LARP1B: variants seen among roughly 807,000 people sequenced by gnomAD.
LARP1B encodes the protein La ribonucleoprotein 1B.
LARP1B carries 76 observed loss-of-function variants against 114.2 expected under a neutral mutation model. The observed-to-expected ratio is 0.67, with a 90% CI of 0.55 to 0.81. The LOEUF is 0.81. Ranked by LOEUF, LARP1B falls within the 30% of genes least tolerant of loss-of-function variation. The probability of loss-of-function intolerance (pLI) is 0.00; values close to 1 mark genes in which losing one functional copy is unlikely to be tolerated. For missense variants in LARP1B, 1,014 were observed against 1,075.8 expected (o/e 0.94, Z 0.80); for synonymous variants, 345 against 348.0 (o/e 0.99, Z 0.10).
intron 15 of LARP1B, among the ~76,000 whole-genome samples, chr4:128,188,102 T>C: frequency 6.6e-6 from 1 of 151,636 alleles, no homozygotes; most frequent in Non-Finnish European, 1.5e-5. Context: ...GAGGCGGAGT[T>C]TTGCTCTTGT....
At position 128,065,255 on chromosome 4, in the gene LARP1B, TTCTTTCTTTCTTTC is replaced by T. The variant is rs1561009841; in HGVS notation, c.-78+3856_-78+3869del. Among the ~76,000 whole-genome samples, 351 of 57,522 alleles carry T rather than the reference TTCTTTCTTTCTTTC, an allele frequency of 6.1e-3. 7 individuals are homozygous for T. The highest frequency in any genetic ancestry group is 0.017 in the African/African-American group (318 of 18,900). 37.7% of individuals were successfully genotyped at this position (57,522 alleles called of 152,430 possible). A position where few individuals can be genotyped will look rare whatever the true frequency, so the allele number is the denominator to read the frequency against. On this transcript the variant is annotated intron_variant, in intron 1 of 19. Coordinates refer to ENST00000326639, the MANE Select transcript of LARP1B (RefSeq NM_018078.4). ...TCTGCACTGTTCTCCCACAATTAATTTCTTTCTTTCTTTCTTTCTTTCTTTCTTTCTTTCTTTCT... is the reference window on the plus strand; with the variant it reads ...TCTGCACTGTTCTCCCACAATTAATTTTTCTTTCTTTCTTTCTTTCTTTCT...
chr4:128,143,529 G>A (rs62334623), intron 11 of LARP1B, among the ~76,000 whole-genome samples: 89,902 of 151,818 alleles, frequency 0.59, 27,726 homozygotes, highest in Middle Eastern at 0.8. Flanking sequence ...GGGGTGGGTG[G>A]AGCTAATTAA....
chr4:128,162,866 C>T (rs1739098880), intron 12 of LARP1B, among the ~76,000 whole-genome samples: 1 of 151,972 alleles, frequency 6.6e-6, no homozygotes, highest in Non-Finnish European at 1.5e-5. Flanking sequence ...CATCTCATAC[C>T]CAATTTTGTC....
In LARP1B at chr4:128,124,248, A is replaced by T. The variant is rs547618889; in HGVS notation, c.1524+2060A>T. ...ATAAACCCACAATAAGTACTTAATC[A>T]CAAATTACAATAAATACTCTAAAAG... On this transcript the variant is annotated intron_variant, in intron 11 of 19. Transcript: ENST00000326639. 2.2e-4 allele frequency among the ~76,000 whole-genome samples: 34 copies of T among 152,334 alleles called. 1 individual carries two copies. In the South Asian group the frequency reaches 7.0e-3, roughly 32 times the overall value.
chr4:128,101,298 ACT>A (rs143948021), intron 8 of LARP1B, among the ~76,000 whole-genome samples: 4,040 of 151,578 alleles, frequency 0.027, 164 homozygotes, highest in African/African-American at 0.093. Context: ...ACATGGTCAA[ACT>A]CTGTCTCTAC....
chr4:128,176,184 AT>A (rs965027720), intron 12 of LARP1B, among the ~76,000 whole-genome samples: 25 of 142,972 alleles, frequency 1.7e-4, no homozygotes, highest in South Asian at 4.3e-4. Flanking sequence ...ATATAAATAT[AT>A]AAATATATTT....
At chr4:128,113,900 C>T (rs961113424) in intron 9 of LARP1B, among the ~76,000 whole-genome samples, 12 of 151,150 alleles carry the variant, frequency 7.9e-5, no homozygotes, top group Admixed American at 2.6e-4. Flanking sequence ...GATTCTCCTG[C>T]GTCAGCCTCC....
chr4:128,076,235 C>A (rs1247368386), intron 3 of LARP1B, among the ~76,000 whole-genome samples: 1 of 151,752 alleles, frequency 6.6e-6, no homozygotes, highest in Non-Finnish European at 1.5e-5. Context: ...GAACTCCTGA[C>A]CTCAGGTGAT....
intron 11 of LARP1B, among the ~76,000 whole-genome samples, chr4:128,149,305 T>G (rs1418450187): frequency 6.6e-6 from 1 of 152,172 alleles, no homozygotes; most frequent in Admixed American, 6.5e-5. Context: ...TATAGGAATT[T>G]AGAATAAAGA....
chr4:128,102,864 A>G (rs1780769040), intron 8 of LARP1B, among the ~76,000 whole-genome samples: 1 of 152,204 alleles, frequency 6.6e-6, no homozygotes, highest in Admixed American at 6.5e-5. Flanking sequence ...TCAGCCTCAG[A>G]ACTGTGCCTG....
intron 1 of LARP1B, among the ~76,000 whole-genome samples, chr4:128,066,872 C>T (rs1331496803): frequency 6.6e-6 from 1 of 150,386 alleles, no homozygotes; most frequent in Non-Finnish European, 1.5e-5. Context: ...TCTTGGCTCA[C>T]TGCAACCCCC....
chr4:128,075,025 A>G (rs767178915), intron 3 of LARP1B, 32 bp downstream of exon 3: 1 of 1,399,286 alleles, frequency 7.1e-7, no homozygotes, highest in Non-Finnish European at 1.0e-6. Flanking sequence ...TTTTTTTTAA[A>G]GAAAGGAAAA....
At chr4:128,141,018 C>G (rs756180056) in intron 11 of LARP1B, among the ~76,000 whole-genome samples, 2 of 151,912 alleles carry the variant, frequency 1.3e-5, no homozygotes, top group Non-Finnish European at 1.5e-5. Context: ...GTTTCATCAT[C>G]TTGGCCAGGC....
intron 6 of LARP1B, among the ~76,000 whole-genome samples, chr4:128,219,080 C>G (rs1759764434): frequency 6.7e-6 from 1 of 149,012 alleles, no homozygotes; most frequent in Non-Finnish European, 1.5e-5. Context: ...AAATGCAAAT[C>G]AAAACCACTA....
intron 11 of LARP1B, among the ~76,000 whole-genome samples, chr4:128,129,901 C>T (rs1791023137): frequency 6.6e-6 from 1 of 151,982 alleles, no homozygotes; most frequent in African/African-American, 2.4e-5. Context: ...AAGACAAAAC[C>T]ATAAACGTCC....
chr4:128,151,595 G>A (rs1468936975), intron 11 of LARP1B, among the ~76,000 whole-genome samples: 2 of 151,532 alleles, frequency 1.3e-5, no homozygotes, highest in Non-Finnish European at 2.9e-5. Context: ...TATATGATTA[G>A]CTTCAGGTTA....
intron 12 of LARP1B, among the ~76,000 whole-genome samples, chr4:128,163,543 C>T (rs1400577030): frequency 6.6e-6 from 1 of 152,022 alleles, no homozygotes; most frequent in African/African-American, 2.4e-5. Flanking sequence ...AGGTAGAATA[C>T]TTTTATAAAG....
chr4:128,098,013 T>G (rs74287073), intron 7 of LARP1B, among the ~76,000 whole-genome samples, 173 bp from the exon 8 acceptor site: 1 of 152,122 alleles, frequency 6.6e-6, no homozygotes, highest in South Asian at 2.1e-4. Context: ...TTCAGTAGAG[T>G]TTTTTGCTAT....
intron 8 of LARP1B, among the ~76,000 whole-genome samples, chr4:128,101,676 C>T (rs2149730496): frequency 1.3e-5 from 2 of 149,374 alleles, no homozygotes; most frequent in Middle Eastern, 7.2e-3. Flanking sequence ...GATGGAGTTT[C>T]ACCACGTTGG....
Sources: allele counts gnomAD v4.1 joint callset (sites outside exome capture counted in the v4.1 genomes callset), GRCh38; gene constraint gnomAD v4.1.1; transcripts MANE v1.5; gene names NCBI Gene and HGNC (gene_info 2026-07-23, HGNC 2026-07-21).